SRRM1: variants seen among roughly 807,000 people sequenced by gnomAD.
The protein encoded by SRRM1 is serine and arginine repetitive matrix 1, also known as serine/arginine repetitive matrix protein 1.
A neutral mutation model predicts 110.2 loss-of-function variants in SRRM1; 19 were observed. The observed-to-expected ratio is 0.17, with a 90% CI of 0.12 to 0.25. The LOEUF (loss-of-function observed/expected upper bound fraction) is 0.25, where lower values mean the gene tolerates loss of function less well. SRRM1 is among the 10% of genes least tolerant of loss of function. SRRM1 has a pLI of 1.00. For missense variants in SRRM1, 918 were observed against 1,145.8 expected (o/e 0.80, Z 2.87); for synonymous variants, 443 against 414.9 (o/e 1.07, Z -0.82).
intron 12 of SRRM1, among the ~76,000 whole-genome samples, chr1:24,663,866 A>G (rs1668456614): frequency 7.4e-6 from 1 of 135,796 alleles, no homozygotes; most frequent in Admixed American, 7.9e-5. Flanking sequence ...ACAGAGCTAA[A>G]TTCCCTCTCA....
At chr1:24,670,078 A>G in intron 14 of SRRM1, 42 bp from the exon 15 acceptor site, 3 of 1,495,680 alleles carry the variant, frequency 2.0e-6, no homozygotes, top group Non-Finnish European at 2.7e-6. Flanking sequence ...GTGAAGAGAG[A>G]TGGCTGTTCT....
At chr1:24,646,148 G>A (rs771094223) in intron 2 of SRRM1, 75 bp downstream of exon 2, 12 of 1,128,134 alleles carry the variant, frequency 1.1e-5, no homozygotes, top group South Asian at 3.8e-5. Context: ...TTGTTTTGGA[G>A]ATGCATTGTA....
chr1:24,651,675 T>C (rs951958827), intron 6 of SRRM1, 63 bp downstream of exon 6: 1 of 1,227,702 alleles, frequency 8.1e-7, no homozygotes, highest in Non-Finnish European at 1.2e-6. Context: ...ACTGCAAATA[T>C]GACATCTGAG....
At chr1:24,657,571 T>A (rs778491189) in intron 9 of SRRM1, among the ~76,000 whole-genome samples, 1 of 152,048 alleles carries the variant, frequency 6.6e-6, no homozygotes, top group Non-Finnish European at 1.5e-5. Flanking sequence ...TAGTGGCCAC[T>A]AATCAGGGCT....
chr1:24,651,401 C>T lies in SRRM1; in HGVS notation c.522-8C>T. On this transcript the variant is annotated splice_polypyrimidine_tract_variant and splice_region_variant and intron_variant, in intron 5 of 16. Transcript: ENST00000323848. ...TTAAAAACCTGAAAAAAATTACTTTCATCCTAGACGCAAATCCAGATCTCC... is the reference window on the plus strand; with the variant it reads ...TTAAAAACCTGAAAAAAATTACTTTTATCCTAGACGCAAATCCAGATCTCC... 1.2e-6 allele frequency: 2 copies of T among 1,610,646 alleles called. No homozygotes were observed. The highest frequency in any genetic ancestry group is 1.7e-6 in the Non-Finnish European group (2 of 1,178,524).
At chr1:24,654,215 G>A in intron 8 of SRRM1, 8 of 1,023,608 alleles carry the variant, frequency 7.8e-6, no homozygotes, top group Non-Finnish European at 1.1e-5. Context: ...TGCTTACTCA[G>A]CCATTTAGCA....
chr1:24,671,635 G>T (rs116361630), intron 16 of SRRM1, 40 bp downstream of exon 16: 5 of 1,509,116 alleles, frequency 3.3e-6, no homozygotes, highest in South Asian at 1.3e-5. Context: ...TGCAGTTTAC[G>T]TACAGATAGC....
intron 8 of SRRM1, 38 bp downstream of exon 8, chr1:24,653,070 C>G (rs1661916874): frequency 6.3e-7 from 1 of 1,592,070 alleles, no homozygotes; most frequent in Non-Finnish European, 8.6e-7. Flanking sequence ...AAGTGTTTGA[C>G]ACTTCTGGAT....
In SRRM1 at chr1:24,672,208, C is replaced by T. The variant is rs1673161758; in HGVS notation, c.2637C>T (p.Asn879=). Residue 879 remains asparagine, a synonymous_variant, in exon 17 of 17, where the codon AAC becomes AAT. Coordinates refer to ENST00000323848, the MANE Select transcript of SRRM1 (RefSeq NM_005839.4). ...AGACTGAAAGTGAAGCTGAAGATAACCTTGATGATTTAGAAAAGCACCTGC... is the reference window on the plus strand; with the variant it reads ...AGACTGAAAGTGAAGCTGAAGATAATCTTGATGATTTAGAAAAGCACCTGC... The part of the protein sequence containing the change: ...KKETESEAED[N]LDDLEKHLRE... 3.7e-6 allele frequency: 6 copies of T among 1,610,582 alleles called. No individual in the cohort carries two copies. The highest frequency in any genetic ancestry group is 5.1e-6 in the Non-Finnish European group (6 of 1,178,130).
intron 1 of SRRM1, among the ~76,000 whole-genome samples, chr1:24,645,144 G>A (rs1384145040): frequency 6.6e-6 from 1 of 152,210 alleles, no homozygotes; most frequent in African/African-American, 2.4e-5. Flanking sequence ...CAACCCTGCA[G>A]AGTAGGTTTC....
intron 1 of SRRM1, among the ~76,000 whole-genome samples, chr1:24,644,227 A>G (rs2148114320): frequency 6.6e-6 from 1 of 152,288 alleles, no homozygotes; most frequent in South Asian, 2.1e-4. Flanking sequence ...ACACTTTATC[A>G]GGCTCGTGCT....
chr1:24,672,544 A>G lies in SRRM1; in HGVS notation c.*258A>G, dbSNP rs1673245679. 1 of 218,734 alleles carries G rather than the reference A, an allele frequency of 4.6e-6. No homozygotes were observed. The highest frequency in any genetic ancestry group is 5.9e-5 in the Admixed American group (1 of 17,056). 13.5% of individuals were successfully genotyped at this position (218,734 alleles called of 1,614,324 possible). A position where few individuals can be genotyped will look rare whatever the true frequency, so the allele number is the denominator to read the frequency against. On this transcript the variant is annotated 3_prime_UTR_variant, in exon 17 of 17. Coordinates refer to ENST00000323848, the MANE Select transcript of SRRM1 (RefSeq NM_005839.4). ...GCCAAAAAAAAATTCCCTTTTTAAA[A>G]AAGGGGGTTTAAATACTGTTGGCAT...
At chr1:24,653,816 T>C (rs973226021) in intron 8 of SRRM1, among the ~76,000 whole-genome samples, 1 of 152,232 alleles carries the variant, frequency 6.6e-6, no homozygotes, top group Non-Finnish European at 1.5e-5. Flanking sequence ...ATGATTAAGC[T>C]TCCAGTTATT....
chr1:24,652,025 T>TAAAAAA (rs1162964267), intron 6 of SRRM1, among the ~76,000 whole-genome samples: 1 of 97,528 alleles, frequency 1.0e-5, no homozygotes, highest in African/African-American at 4.8e-5. Flanking sequence ...CCATCTGTAC[T>TAAAAAA]AAAAATATAT....
At position 24,669,006 on chromosome 1, in the gene SRRM1, T is replaced by C. The variant is rs78240564; in HGVS notation, c.1740-117T>C. The C allele has an allele frequency of 5.4e-4, 417 of 769,764 alleles. 2 individuals are homozygous for C. The East Asian group carries it at 8.5e-3, about 16-fold the overall frequency. 47.7% of individuals were successfully genotyped at this position (769,764 alleles called of 1,614,324 possible). A position where few individuals can be genotyped will look rare whatever the true frequency, so the allele number is the denominator to read the frequency against. On this transcript the variant is annotated intron_variant, in intron 13 of 16. Coordinates refer to ENST00000323848, the MANE Select transcript of SRRM1 (RefSeq NM_005839.4). ...AATATAAAGATAGCATGTTCACTTATAAATATATTCCCTTTGCCTAGTGCT... is the reference window on the plus strand; with the variant it reads ...AATATAAAGATAGCATGTTCACTTACAAATATATTCCCTTTGCCTAGTGCT...
chr1:24,655,344 G>A (rs180890788), intron 9 of SRRM1, among the ~76,000 whole-genome samples: 2 of 152,190 alleles, frequency 1.3e-5, no homozygotes, highest in African/African-American at 2.4e-5. Context: ...GCAATGCCCT[G>A]TGGCATTGCG....
At chr1:24,656,665 C>T (rs1006960364) in intron 9 of SRRM1, among the ~76,000 whole-genome samples, 1 of 152,180 alleles carries the variant, frequency 6.6e-6, no homozygotes, top group Non-Finnish European at 1.5e-5. Flanking sequence ...AGCCACAAAG[C>T]TCTCCAGGGA....
At position 24,671,294 on chromosome 1, in the gene SRRM1, C is replaced by T. The variant is rs919267201; in HGVS notation, c.2401-92C>T. On this transcript the variant is annotated intron_variant, in intron 15 of 16. Coordinates refer to ENST00000323848, the MANE Select transcript of SRRM1 (RefSeq NM_005839.4). ...CCTTTCGGAAATCTTGAGATTTGTC[C>T]ATTGGGGATTTGAGGAAATAAAATG... The T allele has an allele frequency of 5.4e-6, 7 of 1,287,656 alleles. No individual in the cohort carries two copies. In the African/African-American group the frequency reaches 7.5e-5, roughly 14 times the overall value. 79.8% of individuals were successfully genotyped at this position (1,287,656 alleles called of 1,614,324 possible). A position where few individuals can be genotyped will look rare whatever the true frequency, so the allele number is the denominator to read the frequency against.
Position 24,651,410 on chromosome 1 carries a change from C to T in SRRM1, c.523C>T (p.Arg175Cys), listed in dbSNP as rs200425080. The T allele has an allele frequency of 6.8e-5, 110 of 1,613,006 alleles. No homozygotes were observed. Among genetic ancestry groups the T allele is most frequent in the Non-Finnish European group, 4.8e-5 (57 of 1,179,570 alleles). ...TGAAAAAAATTACTTTCATCCTAGA[C>T]GCAAATCCAGATCTCCTTCCCCTAG... ...KRERSRSPRR[R>C]KSRSPSPRRR... The change falls in exon 6 of 17, where the codon CGC (arginine) becomes TGC (cysteine). Residue 175 changes from arginine (R) to cysteine (C), a missense_variant and splice_region_variant. By Grantham distance (180) the Arg-to-Cys change is radical. Around this residue, in one of 5 missense-constraint regions of SRRM1, gnomAD observed 456 missense variants for 453.5 expected, o/e 1.01. Transcript: ENST00000323848.
Sources: allele counts gnomAD v4.1 joint callset (sites outside exome capture counted in the v4.1 genomes callset), GRCh38; gene constraint gnomAD v4.1.1; regional missense constraint gnomAD v4.1.1; transcripts MANE v1.5; gene names NCBI Gene and HGNC (gene_info 2026-07-23, HGNC 2026-07-21).